The following LYPD6B variants were observed in gnomAD, a reference collection of about 807,000 sequenced individuals.
The protein encoded by LYPD6B is ly6/PLAUR domain-containing protein 6B.
A neutral mutation model predicts 22.8 loss-of-function variants in LYPD6B; 17 were observed. The observed-to-expected ratio is 0.75, with a 90% CI of 0.51 to 1.12. The LOEUF (loss-of-function observed/expected upper bound fraction) is 1.12. Among genes scored for constraint, LYPD6B ranks in the 50% most tolerant of loss-of-function variants. The pLI, the probability that LYPD6B is intolerant of heterozygous loss-of-function variation, is 0.00. For synonymous variants in LYPD6B, 106 were observed against 91.6 expected, an observed-to-expected ratio of 1.16 and a Z score of -0.90; for missense variants, 221 against 258.3, an observed-to-expected ratio of 0.86 and a Z score of 0.99.
chr2:149,127,335 C>A (rs1687758228), intron 1 of LYPD6B, among the ~76,000 whole-genome samples: 1 of 152,144 alleles, frequency 6.6e-6, no homozygotes, highest in Admixed American at 6.5e-5. Flanking sequence ...AAACTGAGAA[C>A]TTTCCTCCAG....
chr2:149,212,387 A>AAAAAAAAT (rs1693921662), intron 5 of LYPD6B, among the ~76,000 whole-genome samples: 1 of 149,582 alleles, frequency 6.7e-6, no homozygotes, highest in Non-Finnish European at 1.5e-5. Context: ...TCTCAAAAAA[A>AAAAAAAAT]AAAAAAAAAA....
At chr2:149,066,718 C>T (rs138820998) in intron 1 of LYPD6B, among the ~76,000 whole-genome samples, 41 of 152,082 alleles carry the variant, frequency 2.7e-4, no homozygotes, top group African/African-American at 9.4e-4. Flanking sequence ...CCTTTGATTC[C>T]TTCTTCACCC....
At chr2:149,206,744 T>C (rs11895585) in intron 4 of LYPD6B, among the ~76,000 whole-genome samples, 3,670 of 152,264 alleles carry the variant, frequency 0.024, 131 homozygotes, top group African/African-American at 0.084. Context: ...ATTTTTTCTA[T>C]GTATGTGTAT....
intron 3 of LYPD6B, among the ~76,000 whole-genome samples, chr2:149,175,061 C>CTCTCTCTCTGTGTGTGTG (rs1454802925): frequency 9.3e-4 from 105 of 113,046 alleles, no homozygotes; most frequent in African/African-American, 3.2e-3. Flanking sequence ...CTCTCTCTCT[C>CTCTCTCTCTGTGTGTGTG]TGTGTGTGTG....
chr2:149,112,234 G>A (rs1686793131), intron 1 of LYPD6B, among the ~76,000 whole-genome samples: 1 of 152,198 alleles, frequency 6.6e-6, no homozygotes, highest in Non-Finnish European at 1.5e-5. Context: ...GTTCCCTGTA[G>A]TTACCTCTGA....
chr2:149,124,783 G>A lies in LYPD6B; in HGVS notation c.-66-6100G>A, dbSNP rs191700275. ...TTTAGGATTACGTAAAAAGGAGCCCGAATTCTACAAGTTAGGTTCCAATTG... is the reference window on the plus strand; with the variant it reads ...TTTAGGATTACGTAAAAAGGAGCCCAAATTCTACAAGTTAGGTTCCAATTG... On this transcript the variant is annotated intron_variant, in intron 1 of 6. Transcript: ENST00000409642. Among the ~76,000 whole-genome samples the A allele has an allele frequency of 2.0e-3, 302 of 152,222 alleles. 3 individuals are homozygous for A. Among genetic ancestry groups the A allele is most frequent in the African/African-American group, 6.9e-3 (288 of 41,532 alleles).
chr2:149,074,401 C>T (rs1282008960), intron 1 of LYPD6B, among the ~76,000 whole-genome samples: 4 of 152,164 alleles, frequency 2.6e-5, no homozygotes, highest in Non-Finnish European at 5.9e-5. Context: ...ATAATTATAG[C>T]ACATATCAGC....
At chr2:149,149,488 G>A (rs1689233944) in intron 2 of LYPD6B, among the ~76,000 whole-genome samples, 1 of 152,034 alleles carries the variant, frequency 6.6e-6, no homozygotes, top group Admixed American at 6.6e-5. Flanking sequence ...CATCTTAGCT[G>A]ATTTTTCAAA....
chr2:149,092,685 G>C (rs187138391), intron 1 of LYPD6B, among the ~76,000 whole-genome samples: 1 of 152,250 alleles, frequency 6.6e-6, no homozygotes, highest in East Asian at 1.9e-4. Context: ...TCCTTAAAGA[G>C]AGAAAAAACA....
At chr2:149,142,881 G>A (rs1168823699) in intron 2 of LYPD6B, among the ~76,000 whole-genome samples, 1 of 152,034 alleles carries the variant, frequency 6.6e-6, no homozygotes. Context: ...TATCTTAATT[G>A]TATTCTTTAG....
intron 1 of LYPD6B, among the ~76,000 whole-genome samples, chr2:149,073,612 C>T (rs1371484478): frequency 6.6e-6 from 1 of 152,042 alleles, no homozygotes; most frequent in Non-Finnish European, 1.5e-5. Flanking sequence ...CTGAGGCCCC[C>T]TTTTCTTCCA....
chr2:149,198,059 G>A (rs1272396299), intron 3 of LYPD6B, among the ~76,000 whole-genome samples: 1 of 107,612 alleles, frequency 9.3e-6, no homozygotes, highest in Non-Finnish European at 2.0e-5. Flanking sequence ...TTTCTTTTTT[G>A]TGAGACAGAG....
intron 1 of LYPD6B, among the ~76,000 whole-genome samples, chr2:149,093,510 T>C (rs1525175): frequency 0.6 from 91,342 of 152,060 alleles, 27,629 homozygotes; most frequent in Admixed American, 0.67. Context: ...TTCTGATGAT[T>C]TTTACGTTTC....
chr2:149,182,373 T>C (rs7608272), intron 3 of LYPD6B, among the ~76,000 whole-genome samples: 61,565 of 151,998 alleles, frequency 0.41, 12,637 homozygotes, highest in Non-Finnish European at 0.43. Flanking sequence ...TTCGTATAGA[T>C]CTGTTTAATA....
chr2:149,214,769 T>G lies in LYPD6B; in HGVS notation c.*59T>G. Reference sequence around the variant, plus strand: ...TCTAAAGCACAAGCCAAAAACTGTGTGAACGGTGAACTTTGGAGTGAAGAT... The same window carrying G: ...TCTAAAGCACAAGCCAAAAACTGTGGGAACGGTGAACTTTGGAGTGAAGAT... On this transcript the variant is annotated 3_prime_UTR_variant, in exon 7 of 7. Transcript: ENST00000409642. 5 of 1,551,196 alleles carry G rather than the reference T, an allele frequency of 3.2e-6. No individual in the cohort carries two copies. Among genetic ancestry groups the G allele is most frequent in the Non-Finnish European group, 4.4e-6 (5 of 1,124,802 alleles).
At chr2:149,165,206 T>C (rs945496961) in intron 3 of LYPD6B, among the ~76,000 whole-genome samples, 1 of 152,168 alleles carries the variant, frequency 6.6e-6, no homozygotes, top group Non-Finnish European at 1.5e-5. Context: ...GCAAAAACTA[T>C]AAGCTTGAAG....
chr2:149,183,343 C>A (rs1035768022), intron 3 of LYPD6B, among the ~76,000 whole-genome samples: 2 of 152,170 alleles, frequency 1.3e-5, no homozygotes, highest in East Asian at 1.9e-4. Flanking sequence ...GGTCATACTG[C>A]AAACCTAAGC....
intron 1 of LYPD6B, among the ~76,000 whole-genome samples, chr2:149,090,029 A>G (rs1468974072): frequency 6.6e-6 from 1 of 152,068 alleles, no homozygotes; most frequent in Non-Finnish European, 1.5e-5. Flanking sequence ...GATGGAGACA[A>G]CCTATTCTGG....
chr2:149,092,089 A>G (rs1685678966), intron 1 of LYPD6B, among the ~76,000 whole-genome samples: 1 of 152,044 alleles, frequency 6.6e-6, no homozygotes, highest in African/African-American at 2.4e-5. Flanking sequence ...ACTGGGAGAA[A>G]TGTAGCTATC....
Sources: allele counts gnomAD v4.1 joint callset (sites outside exome capture counted in the v4.1 genomes callset), GRCh38; gene constraint gnomAD v4.1.1; transcripts MANE v1.5; gene names NCBI Gene and HGNC (gene_info 2026-07-23, HGNC 2026-07-21).